Variants in FN1 observed in about 807,000 individuals in gnomAD.
FN1 encodes fibronectin 1.
Under a neutral mutation model 297.3 loss-of-function variants are expected in FN1, and 106 were observed. That is an observed-to-expected ratio of 0.36 (90% CI 0.30 to 0.42). The LOEUF is 0.42. FN1 is among the 10% of genes least tolerant of loss of function. FN1 has a pLI of 1.00. For synonymous variants in FN1, 1,149 were observed against 1,152.6 expected, an observed-to-expected ratio of 1.00 and a Z score of 0.06; for missense variants, 2,690 against 3,124.9, an observed-to-expected ratio of 0.86 and a Z score of 3.32.
intron 6 of FN1, among the ~76,000 whole-genome samples, chr2:215,426,087 T>A (rs559916468): frequency 6.6e-6 from 1 of 152,266 alleles, no homozygotes; most frequent in Admixed American, 6.5e-5. Context: ...TTGATCCTCT[T>A]AAGACAGCTT....
At chr2:215,403,417 TC>T (rs2061383102) in intron 20 of FN1, among the ~76,000 whole-genome samples, 1 of 152,204 alleles carries the variant, frequency 6.6e-6, no homozygotes, top group Admixed American at 6.5e-5. Context: ...CTTTTTAACA[TC>T]CATACTTTTA....
At chr2:215,383,913 T>TA (rs1368382133) in intron 30 of FN1, 107 bp downstream of exon 30, 2 of 1,338,334 alleles carry the variant, frequency 1.5e-6, no homozygotes, top group Non-Finnish European at 2.1e-6. Flanking sequence ...TGTTGCTCAT[T>TA]AAAAAGGAAA....
At chr2:215,406,925 A>G (rs2061850909) in intron 18 of FN1, among the ~76,000 whole-genome samples, 1 of 152,208 alleles carries the variant, frequency 6.6e-6, no homozygotes, top group African/African-American at 2.4e-5. Context: ...GATGGACGTT[A>G]TGGTGTCAGT....
At chr2:215,423,207 C>CACACAT (rs1221936524) in intron 9 of FN1, 143 bp downstream of exon 9, 14 of 741,824 alleles carry the variant, frequency 1.9e-5, no homozygotes, top group Non-Finnish European at 2.5e-5. Flanking sequence ...CACACACACA[C>CACACAT]ACACAAACAC....
At chr2:215,386,076 CT>C (rs571159227) in intron 28 of FN1, among the ~76,000 whole-genome samples, 4,906 of 109,376 alleles carry the variant, frequency 0.045, 267 homozygotes, top group African/African-American at 0.16. Context: ...GCGCCTGGCC[CT>C]TTTTTTTTTT....
intron 33 of FN1, chr2:215,380,489 C>CT (rs773979668): frequency 3.7e-5 from 13 of 353,320 alleles, no homozygotes; most frequent in Non-Finnish European, 5.2e-5. Flanking sequence ...TGCCAAACTT[C>CT]TTTTCTTTAT....
In FN1 at chr2:215,372,605, A is replaced by T. The variant is rs938545081; in HGVS notation, c.6248-230T>A. ...AAGAAAAAAGTGTTAGTATGAATTT[A>T]TCATACACACAGCTTTAAACCGCTG... is the stretch of plus-strand genomic sequence containing the variant. On this transcript the variant is annotated intron_variant, in intron 39 of 45. Transcript: ENST00000354785. 3.3e-5 allele frequency: 19 copies of T among 572,500 alleles called. 1 individual carries two copies. The highest frequency in any genetic ancestry group is 5.3e-5 in the Non-Finnish European group (17 of 320,758). The allele number at this position is 572,500 out of a possible 1,614,324, so 35.5% of individuals were successfully genotyped here. A position where few individuals can be genotyped will look rare whatever the true frequency, so the allele number is the denominator to read the frequency against.
At chr2:215,423,680 T>A (rs1037527141) in intron 8 of FN1, among the ~76,000 whole-genome samples, 154 bp from the exon 9 acceptor site, 6 of 152,216 alleles carry the variant, frequency 3.9e-5, no homozygotes, top group Non-Finnish European at 8.8e-5. Context: ...AGTTCTAAGC[T>A]TCTTAGCATA....
At chr2:215,409,864 G>A in intron 14 of FN1, 70 bp downstream of exon 14, 1 of 1,596,170 alleles carries the variant, frequency 6.3e-7, no homozygotes, top group African/African-American at 1.3e-5. Flanking sequence ...GAGAAGGAAA[G>A]CATTGCCTCA....
chr2:215,408,049 C>T, intron 17 of FN1, 59 bp downstream of exon 17: 1 of 1,344,724 alleles, frequency 7.4e-7, no homozygotes, highest in South Asian at 1.2e-5. Flanking sequence ...AATCTGCGCC[C>T]TCCCTGCTGA....
chr2:215,392,598 T>G, intron 25 of FN1: 1 of 354,376 alleles, frequency 2.8e-6, no homozygotes, highest in Non-Finnish European at 5.4e-6. Context: ...CTTACGCAAT[T>G]TGGTATTCGT....
chr2:215,391,885 G>A, intron 25 of FN1, 71 bp from the exon 26 acceptor site: 1 of 1,340,424 alleles, frequency 7.5e-7, no homozygotes, highest in Admixed American at 1.7e-5. Flanking sequence ...TAGCTGGAAA[G>A]GTAAAATCAA....
Position 215,392,950 on chromosome 2 carries a change from A to C in FN1, c.4050T>G (p.Thr1350=), listed in dbSNP as rs1490510125. Residue 1350 remains threonine (T), a synonymous_variant, in exon 25 of 46, where the codon ACT becomes ACG. Transcript: ENST00000354785. ...TLINGGESAP[T]TLTQQTAVPP... is the part of the protein sequence containing the mutation. ...ATTCACCCGTTTGTTGTGTCAGTGT[A>C]GTAGGGGCACTCTCGCCGCCATTAA... is the stretch of plus-strand genomic sequence containing the variant. The C allele has an allele frequency of 1.1e-5, 18 of 1,612,766 alleles. No homozygotes were observed. Among genetic ancestry groups the C allele is most frequent in the Non-Finnish European group, 1.4e-5 (16 of 1,180,002 alleles).
In FN1 at chr2:215,407,107, T is replaced by C. The variant is rs368435928; in HGVS notation, c.2713+20A>G. On this transcript the variant is annotated intron_variant, in intron 18 of 45. Coordinates refer to ENST00000354785, the MANE Select transcript of FN1 (RefSeq NM_212482.4). Reference sequence around the variant, plus strand: ...AATCCTGATAAGATAACATAGGAAGTGTCTTCTTAAAAAAGTTACCTGAGC... The same window carrying C: ...AATCCTGATAAGATAACATAGGAAGCGTCTTCTTAAAAAAGTTACCTGAGC... 4.4e-4 allele frequency: 690 copies of C among 1,577,678 alleles called. 1 individual carries two copies. Among genetic ancestry groups the C allele is most frequent in the Non-Finnish European group, 5.8e-4 (670 of 1,147,494 alleles).
At chr2:215,422,680 A>G (rs908325873) in intron 9 of FN1, among the ~76,000 whole-genome samples, 1 of 152,250 alleles carries the variant, frequency 6.6e-6, no homozygotes, top group African/African-American at 2.4e-5. Flanking sequence ...TGAAAGAAAT[A>G]AAAGTATAAG....
intron 30 of FN1, 27 bp downstream of exon 30, chr2:215,383,993 G>T (rs748377244): frequency 1.2e-6 from 2 of 1,611,644 alleles, no homozygotes; most frequent in Non-Finnish European, 1.7e-6. Flanking sequence ...GTAAAAGCTG[G>T]TGTCACCCCA....
chr2:215,427,418 A>C (rs2065659295), intron 6 of FN1, among the ~76,000 whole-genome samples: 1 of 152,206 alleles, frequency 6.6e-6, no homozygotes. Context: ...TAATGAGAGG[A>C]GTGCACGTCC....
chr2:215,378,025 C>A, intron 35 of FN1, 150 bp downstream of exon 35: 1 of 651,944 alleles, frequency 1.5e-6, no homozygotes, highest in East Asian at 2.8e-5. Context: ...CCGGGTAGGT[C>A]TCAAACTCCT....
In FN1 at chr2:215,382,200, G is replaced by A. The variant is rs758710788; in HGVS notation, c.5164+12C>T. 2.5e-5 allele frequency: 39 copies of A among 1,576,214 alleles called. No individual in the cohort carries two copies. Among genetic ancestry groups the A allele is most frequent in the Non-Finnish European group, 3.1e-5 (36 of 1,145,298 alleles). ...TGACTTTGAAAATGGAAACCAAGCA[G>A]TGGTTACGTACTGGTTACTGCAGTC... On this transcript the variant is annotated intron_variant, in intron 32 of 45. Coordinates refer to ENST00000354785, the MANE Select transcript of FN1 (RefSeq NM_212482.4).
Sources: allele counts gnomAD v4.1 joint callset (sites outside exome capture counted in the v4.1 genomes callset), GRCh38; gene constraint gnomAD v4.1.1; transcripts MANE v1.5; gene names NCBI Gene and HGNC (gene_info 2026-07-23, HGNC 2026-07-21).